ZFPM2: variants seen among roughly 807,000 people sequenced by gnomAD.
ZFPM2 encodes zinc finger protein, FOG family member 2.
In ZFPM2, 20 loss-of-function variants were observed where a neutral mutation model predicts 98.6. That is an observed-to-expected ratio of 0.20 (90% CI 0.14 to 0.29). The LOEUF (loss-of-function observed/expected upper bound fraction) is 0.29. ZFPM2 is among the 10% of genes least tolerant of loss of function. ZFPM2 has a pLI of 1.00. For missense variants in ZFPM2, 1,310 were observed against 1,388.6 expected, an observed-to-expected ratio of 0.94 and a Z score of 0.90; for synonymous variants, 518 against 502.7, an observed-to-expected ratio of 1.03 and a Z score of -0.41.
intron 1 of ZFPM2, among the ~76,000 whole-genome samples, chr8:105,329,758 C>T (rs1326252583): frequency 6.6e-6 from 1 of 151,660 alleles, no homozygotes; most frequent in East Asian, 1.9e-4. Flanking sequence ...ACAGACATGT[C>T]AGAGTTTGGG....
chr8:105,573,580 A>T (rs1224326103), intron 4 of ZFPM2, among the ~76,000 whole-genome samples: 1 of 152,238 alleles, frequency 6.6e-6, no homozygotes, highest in Non-Finnish European at 1.5e-5. Flanking sequence ...TTTTATTATT[A>T]TTCATTAAAA....
intron 5 of ZFPM2, among the ~76,000 whole-genome samples, chr8:105,725,215 A>G (rs1811779331): frequency 6.6e-6 from 1 of 151,810 alleles, no homozygotes; most frequent in Non-Finnish European, 1.5e-5. Flanking sequence ...TTTCAGTTTT[A>G]TCCAGTTATC....
rs1213247980 is a variant in ZFPM2, at chr8:105,380,713, A to AT, written c.41-38430dup. Among the ~76,000 whole-genome samples, 7 of 39,386 alleles carry AT rather than the reference A, an allele frequency of 1.8e-4. 1 individual carries two copies. Among genetic ancestry groups the AT allele is most frequent in the African/African-American group, 3.4e-4 (2 of 5,838 alleles). 25.8% of individuals were successfully genotyped at this position (39,386 alleles called of 152,430 possible). ...TATATATAACATATATAATATATAT[A>AT]TATATTATATATAACATATATATTA... On this transcript the variant is annotated intron_variant, in intron 1 of 7. Transcript: ENST00000407775.
At chr8:105,357,743 A>C (rs1812775677) in intron 1 of ZFPM2, among the ~76,000 whole-genome samples, 1 of 152,150 alleles carries the variant, frequency 6.6e-6, no homozygotes, top group African/African-American at 2.4e-5. Flanking sequence ...TATCGTTTTC[A>C]CTTTCAATAA....
chr8:105,744,277 G>A (rs1292007389), intron 5 of ZFPM2, among the ~76,000 whole-genome samples: 1 of 152,046 alleles, frequency 6.6e-6, no homozygotes, highest in Admixed American at 6.6e-5. Context: ...CACAAAATAT[G>A]TGTGAGCACT....
At chr8:105,791,455 G>C (rs1337865922) in intron 6 of ZFPM2, among the ~76,000 whole-genome samples, 13 of 152,050 alleles carry the variant, frequency 8.5e-5, no homozygotes, top group Non-Finnish European at 1.8e-4. Flanking sequence ...TGATCATGGT[G>C]GATAAGCTTT....
At chr8:105,440,729 G>C (rs1016453444) in intron 2 of ZFPM2, among the ~76,000 whole-genome samples, 1 of 152,138 alleles carries the variant, frequency 6.6e-6, no homozygotes, top group Admixed American at 6.6e-5. Flanking sequence ...CTAATTCTGC[G>C]ATACAGTCAC....
At chr8:105,659,501 C>A (rs574473374) in intron 5 of ZFPM2, among the ~76,000 whole-genome samples, 1 of 152,226 alleles carries the variant, frequency 6.6e-6, no homozygotes, top group Admixed American at 6.5e-5. Context: ...TTTAAAAATA[C>A]AAAATCAAAT....
At chr8:105,645,704 G>T (rs1231605595) in intron 5 of ZFPM2, among the ~76,000 whole-genome samples, 23 of 152,080 alleles carry the variant, frequency 1.5e-4, no homozygotes, top group Admixed American at 1.5e-3. Flanking sequence ...AATAAGACAG[G>T]GATTTATGCT....
chr8:105,413,106 G>A (rs901717872), intron 1 of ZFPM2, among the ~76,000 whole-genome samples: 1 of 151,554 alleles, frequency 6.6e-6, no homozygotes, highest in Non-Finnish European at 1.5e-5. Context: ...GGATATATAC[G>A]TACAGAACAT....
intron 3 of ZFPM2, among the ~76,000 whole-genome samples, chr8:105,464,418 A>G (rs1427007007): frequency 6.6e-6 from 1 of 152,052 alleles, no homozygotes; most frequent in African/African-American, 2.4e-5. Flanking sequence ...TGATACTGCT[A>G]TTCAATAGGG....
intron 5 of ZFPM2, among the ~76,000 whole-genome samples, chr8:105,680,446 A>T (rs1810575903): frequency 6.6e-6 from 1 of 152,206 alleles, no homozygotes; most frequent in African/African-American, 2.4e-5. Flanking sequence ...ATGATTTATA[A>T]TGATGCCTTG....
chr8:105,620,082 T>TTCTA (rs1816503870), intron 4 of ZFPM2, among the ~76,000 whole-genome samples: 1 of 152,196 alleles, frequency 6.6e-6, no homozygotes, highest in Non-Finnish European at 1.5e-5. Context: ...ATATTTCTAG[T>TTCTA]TCTAGATCCT....
At chr8:105,748,562 G>A (rs1368299820) in intron 5 of ZFPM2, among the ~76,000 whole-genome samples, 2 of 152,082 alleles carry the variant, frequency 1.3e-5, no homozygotes, top group East Asian at 1.9e-4. Context: ...AAATATTGAG[G>A]GTCGTTTGAA....
rs1327261595 is a variant in ZFPM2 at position 105,798,784 on chromosome 8, C to G, written c.800C>G (p.Ala267Gly). 1 of 1,613,908 alleles carries G rather than the reference C, an allele frequency of 6.2e-7. No homozygotes were observed. The highest frequency in any genetic ancestry group is 8.5e-7 in the Non-Finnish European group (1 of 1,179,872). Residue 267 changes from alanine to glycine, a missense_variant, in exon 7 of 8, where the codon GCC (alanine) becomes GGC (glycine). Ala to Gly is a moderately conservative substitution (Grantham distance 60). Transcript: ENST00000407775. ...IWYRSERNLQAHLMYYCSGRQ... is the reference protein window; with the variant it reads ...IWYRSERNLQGHLMYYCSGRQ... ...TATCGGAGTGAGCGGAATCTGCAGG[C>G]CCATTTGATGTACTACTGCAGTGGG...
At chr8:105,791,009 C>G (rs1470466933) in intron 6 of ZFPM2, among the ~76,000 whole-genome samples, 1 of 152,172 alleles carries the variant, frequency 6.6e-6, no homozygotes, top group Non-Finnish European at 1.5e-5. Context: ...GTGGGGTTTT[C>G]TAGATATACA....
intron 5 of ZFPM2, among the ~76,000 whole-genome samples, chr8:105,674,700 C>T (rs1327393358): frequency 6.6e-6 from 1 of 152,134 alleles, no homozygotes. Flanking sequence ...ATTTTACACA[C>T]TCTTATATTA....
At chr8:105,636,946 A>C (rs1240384356) in intron 5 of ZFPM2, among the ~76,000 whole-genome samples, 2 of 152,126 alleles carry the variant, frequency 1.3e-5, no homozygotes, top group Non-Finnish European at 2.9e-5. Context: ...CCATTTTACA[A>C]AGGTAGATAA....
intron 3 of ZFPM2, among the ~76,000 whole-genome samples, chr8:105,550,728 G>A (rs1021630362): frequency 1.3e-5 from 2 of 152,180 alleles, no homozygotes; most frequent in Non-Finnish European, 2.9e-5. Context: ...AATCAGGGAA[G>A]TGTTCACCAG....
Sources: gnomAD v4.1 joint callset for allele counts (sites outside exome capture counted in the v4.1 genomes callset) on GRCh38, gnomAD v4.1.1 for gene constraint, MANE v1.5 for transcripts, NCBI Gene and HGNC (gene_info 2026-07-23, HGNC 2026-07-21) for gene names.